The following GLIS3 variants were observed in gnomAD, a reference collection of about 807,000 sequenced individuals.
GLIS3 encodes zinc finger protein GLIS3.
In GLIS3, 53 loss-of-function variants were observed where a neutral mutation model predicts 78.6. That is an observed-to-expected ratio of 0.67 (90% CI 0.54 to 0.85). The LOEUF (loss-of-function observed/expected upper bound fraction) is 0.85. Among genes scored for constraint, GLIS3 ranks in the 40% least tolerant of loss-of-function variants. GLIS3 has a pLI of 0.00. For missense variants in GLIS3, 1,703 were observed against 1,231.1 expected, an observed-to-expected ratio of 1.38 and a Z score of -5.74; for synonymous variants, 684 against 509.9, an observed-to-expected ratio of 1.34 and a Z score of -4.60.
intron 4 of GLIS3, among the ~76,000 whole-genome samples, chr9:3,980,834 T>C (rs903416108): frequency 2.0e-5 from 3 of 151,846 alleles, no homozygotes; most frequent in Admixed American, 1.3e-4. Flanking sequence ...TCTTCTTCTT[T>C]TTTTCTGCTT....
At chr9:4,338,481 G>C (rs538320364) in intron 2 of GLIS3, among the ~76,000 whole-genome samples, 2 of 152,116 alleles carry the variant, frequency 1.3e-5, no homozygotes, top group East Asian at 1.9e-4. Flanking sequence ...GTATTTGGGA[G>C]TCACCATACT....
intron 2 of GLIS3, among the ~76,000 whole-genome samples, chr9:4,276,156 G>A (rs1826958100): frequency 6.7e-6 from 1 of 150,274 alleles, no homozygotes; most frequent in Non-Finnish European, 1.5e-5. Context: ...GGTGACACAT[G>A]CCTGTGGTCC....
chr9:4,426,040 T>C, the GLIS3 span, among the ~76,000 whole-genome samples: 3 of 152,106 alleles, frequency 2.0e-5, no homozygotes, highest in Non-Finnish European at 2.9e-5. Flanking sequence ...AAAAAACACA[T>C]ACGTTCATGC....
At chr9:3,951,602 A>G (rs1029437550) in intron 4 of GLIS3, among the ~76,000 whole-genome samples, 29 of 151,624 alleles carry the variant, frequency 1.9e-4, no homozygotes, top group African/African-American at 7.1e-4. Context: ...TATAAGAAAA[A>G]ATAAAAAATA....
intron 2 of GLIS3, among the ~76,000 whole-genome samples, chr9:4,341,660 C>T (rs372774420): frequency 6.6e-6 from 1 of 152,152 alleles, no homozygotes; most frequent in African/African-American, 2.4e-5. Flanking sequence ...AGAAAAAGAC[C>T]ACAGTCTTAC....
the GLIS3 span, among the ~76,000 whole-genome samples, chr9:4,358,168 A>C: frequency 2.6e-5 from 4 of 152,094 alleles, no homozygotes; most frequent in Admixed American, 1.3e-4. Flanking sequence ...GTATATATGC[A>C]AAGAAAATTT....
At chr9:4,230,523 G>T (rs932074453) in intron 2 of GLIS3, among the ~76,000 whole-genome samples, 1 of 152,210 alleles carries the variant, frequency 6.6e-6, no homozygotes, top group African/African-American at 2.4e-5. Flanking sequence ...GGGCCCCAGG[G>T]GTATCAGCAG....
At chr9:4,457,339 C>A in the GLIS3 span, among the ~76,000 whole-genome samples, 1 of 149,478 alleles carries the variant, frequency 6.7e-6, no homozygotes, top group African/African-American at 2.5e-5. Context: ...CCAGCCTGGG[C>A]GACAGAGTGA....
At chr9:3,962,170 T>G (rs1817609940) in intron 4 of GLIS3, among the ~76,000 whole-genome samples, 1 of 152,066 alleles carries the variant, frequency 6.6e-6, no homozygotes, top group African/African-American at 2.4e-5. Flanking sequence ...CCGTGAGCCA[T>G]GCTGGTGTCA....
At chr9:4,445,939 G>C in the GLIS3 span, among the ~76,000 whole-genome samples, 2 of 152,202 alleles carry the variant, frequency 1.3e-5, no homozygotes, top group African/African-American at 2.4e-5. Flanking sequence ...CACCATATCA[G>C]AGTATAGGCC....
At chr9:3,992,656 A>G (rs1278431378) in intron 4 of GLIS3, among the ~76,000 whole-genome samples, 4 of 152,202 alleles carry the variant, frequency 2.6e-5, no homozygotes, top group Non-Finnish European at 5.9e-5. Flanking sequence ...CTGTTTTTTC[A>G]ACTTTTGACA....
chr9:3,984,311 A>T (rs1187600361), intron 4 of GLIS3, among the ~76,000 whole-genome samples: 2 of 152,246 alleles, frequency 1.3e-5, no homozygotes, highest in African/African-American at 4.8e-5. Context: ...TATACCCCGC[A>T]AAGCCACGGG....
chr9:4,239,012 T>C (rs912586588), intron 2 of GLIS3, among the ~76,000 whole-genome samples: 1 of 151,986 alleles, frequency 6.6e-6, no homozygotes, highest in African/African-American at 2.4e-5. Flanking sequence ...ACAAAGGACA[T>C]GAACTCATCA....
chr9:4,328,158 G>A (rs1231040205), intron 2 of GLIS3, among the ~76,000 whole-genome samples: 1 of 152,178 alleles, frequency 6.6e-6, no homozygotes, highest in Non-Finnish European at 1.5e-5. Flanking sequence ...GTGCCAGTAA[G>A]TCATGTCCTG....
At chr9:4,116,310 C>G (rs988781311) in intron 4 of GLIS3, among the ~76,000 whole-genome samples, 1 of 152,194 alleles carries the variant, frequency 6.6e-6, no homozygotes, top group South Asian at 2.1e-4. Context: ...AATTGAATTG[C>G]CTTCAATTGC....
At chr9:4,473,472 A>G in the GLIS3 span, among the ~76,000 whole-genome samples, 1 of 151,624 alleles carries the variant, frequency 6.6e-6, no homozygotes, top group East Asian at 2.0e-4. Flanking sequence ...AAAAAAAAGG[A>G]TCATGTACTC....
chr9:3,972,678 A>C (rs1373719254), intron 4 of GLIS3, among the ~76,000 whole-genome samples: 2 of 152,186 alleles, frequency 1.3e-5, no homozygotes, highest in Non-Finnish European at 2.9e-5. Flanking sequence ...CAAAAGCTTT[A>C]GGACTTGAGG....
intron 2 of GLIS3, among the ~76,000 whole-genome samples, chr9:4,220,254 T>C (rs920039824): frequency 1.3e-5 from 2 of 152,210 alleles, no homozygotes; most frequent in African/African-American, 4.8e-5. Flanking sequence ...GAAAGAATGA[T>C]GGAGTTAGAA....
intron 4 of GLIS3, among the ~76,000 whole-genome samples, chr9:3,958,325 C>A (rs1817299062): frequency 6.6e-6 from 1 of 151,974 alleles, no homozygotes; most frequent in Non-Finnish European, 1.5e-5. Context: ...ATGCCATGGG[C>A]CAGACGCTTA....
Sources: gnomAD v4.1 joint callset for allele counts (sites outside exome capture counted in the v4.1 genomes callset) on GRCh38, gnomAD v4.1.1 for gene constraint, MANE v1.5 for transcripts, NCBI Gene and HGNC (gene_info 2026-07-23, HGNC 2026-07-21) for gene names.